TRHDE: variants seen among roughly 807,000 people sequenced by gnomAD.
The protein encoded by TRHDE is thyrotropin-releasing hormone-degrading ectoenzyme.
In TRHDE, 72 loss-of-function variants were observed where a neutral mutation model predicts 125.7. The ratio of observed to expected loss-of-function variants is 0.57; its 90% CI spans 0.47 to 0.70. The LOEUF is 0.70. Ranked by LOEUF, TRHDE falls within the 30% of genes least tolerant of loss-of-function variation. The pLI, the probability that TRHDE is intolerant of heterozygous loss-of-function variation, is 0.00. For missense variants in TRHDE, 1,110 were observed against 1,327.1 expected, an observed-to-expected ratio of 0.84 and a Z score of 2.54; for synonymous variants, 509 against 509.1, an observed-to-expected ratio of 1.00 and a Z score of 0.00.
intron 2 of TRHDE, among the ~76,000 whole-genome samples, chr12:72,106,534 G>A (rs1264898401): frequency 1.3e-5 from 2 of 152,046 alleles, no homozygotes; most frequent in Non-Finnish European, 1.5e-5. Flanking sequence ...AGTTAAAGAA[G>A]CTCAATACAT....
chr12:72,367,913 C>G (rs1871404720), intron 2 of TRHDE, among the ~76,000 whole-genome samples: 1 of 152,202 alleles, frequency 6.6e-6, no homozygotes, highest in Non-Finnish European at 1.5e-5. Flanking sequence ...GAGAATAGCT[C>G]TGGCAAGTCA....
At chr12:72,093,448 C>A (rs1874838383) in intron 1 of TRHDE, among the ~76,000 whole-genome samples, 1 of 152,080 alleles carries the variant, frequency 6.6e-6, no homozygotes, top group South Asian at 2.1e-4. Flanking sequence ...CTGGAACTCC[C>A]AAAATTCATA....
chr12:72,292,034 A>G (rs1880108881), intron 2 of TRHDE, among the ~76,000 whole-genome samples: 1 of 152,124 alleles, frequency 6.6e-6, no homozygotes. Context: ...AGTTATATCC[A>G]CTCCATTAGA....
intron 3 of TRHDE, among the ~76,000 whole-genome samples, chr12:72,468,138 T>C (rs1876472221): frequency 6.6e-6 from 1 of 152,236 alleles, no homozygotes; most frequent in Admixed American, 6.5e-5. Flanking sequence ...TGTGTTTGTG[T>C]GTGCATCTTG....
At chr12:72,275,050 C>G (rs1879430916) in intron 1 of TRHDE, 1 of 152,230 alleles carries the variant, frequency 6.6e-6, no homozygotes, top group Non-Finnish European at 1.5e-5. Context: ...GGTTACAGAT[C>G]AGTAATGAGG....
At chr12:72,102,296 T>A (rs1875086822) in intron 1 of TRHDE, among the ~76,000 whole-genome samples, 1 of 152,146 alleles carries the variant, frequency 6.6e-6, no homozygotes, top group Non-Finnish European at 1.5e-5. Flanking sequence ...CTTAAACCTA[T>A]AGTCACCTCA....
At chr12:72,535,647 C>G (rs1868817467) in intron 6 of TRHDE, among the ~76,000 whole-genome samples, 1 of 150,232 alleles carries the variant, frequency 6.7e-6, no homozygotes, top group African/African-American at 2.4e-5. Flanking sequence ...ATTTCTTTTT[C>G]TGTTCTTCAG....
chr12:72,627,234 A>G (rs550208951), intron 15 of TRHDE, among the ~76,000 whole-genome samples: 2 of 152,084 alleles, frequency 1.3e-5, no homozygotes, highest in South Asian at 2.1e-4. Context: ...TCCAGTGCTT[A>G]TATCAGCTCT....
intron 5 of TRHDE, among the ~76,000 whole-genome samples, chr12:72,487,496 T>C (rs753495758): frequency 7.9e-4 from 120 of 152,186 alleles, no homozygotes; most frequent in Non-Finnish European, 1.3e-3. Flanking sequence ...TTCAAAGTAC[T>C]GAAAGAAAAT....
In TRHDE at chr12:72,443,487, C is replaced by CT. The variant is rs1190194946; in HGVS notation, c.1316-26264dup. 3.3e-5 allele frequency among the ~76,000 whole-genome samples: 5 copies of CT among 151,564 alleles called. No homozygotes were observed. The East Asian group carries it at 7.7e-4, about 23-fold the overall frequency. ...AGGACTTAGATTGAGTATTAGTCACCTTTTTTTCCCTAGGATTGAGCATAA... is the reference window on the plus strand; with the variant it reads ...AGGACTTAGATTGAGTATTAGTCACCTTTTTTTTCCCTAGGATTGAGCATAA... On this transcript the variant is annotated intron_variant, in intron 3 of 18. Transcript: ENST00000261180.
intron 1 of TRHDE, among the ~76,000 whole-genome samples, chr12:72,284,976 T>C (rs990627340): frequency 6.6e-6 from 1 of 152,234 alleles, no homozygotes; most frequent in Admixed American, 6.5e-5. Context: ...AAGCGTGGTG[T>C]GTAGCAGCCT....
chr12:72,365,199 A>G, intron 2 of TRHDE, among the ~76,000 whole-genome samples: 1 of 152,240 alleles, frequency 6.6e-6, no homozygotes, highest in East Asian at 1.9e-4. Flanking sequence ...ATTTAAGGAA[A>G]CATGATACAT....
upstream of TRHDE, among the ~76,000 whole-genome samples, chr12:72,271,309 C>T (rs1227808162): frequency 6.6e-6 from 1 of 152,176 alleles, no homozygotes; most frequent in Non-Finnish European, 1.5e-5. Flanking sequence ...ATACAATCCT[C>T]CAAATCCTCT....
chr12:72,429,651 A>ATT (rs1216476411), intron 3 of TRHDE, among the ~76,000 whole-genome samples: 4 of 152,024 alleles, frequency 2.6e-5, no homozygotes, highest in African/African-American at 9.7e-5. Context: ...AGCCACCAGT[A>ATT]TTGAGGGTTC....
intron 2 of TRHDE, among the ~76,000 whole-genome samples, chr12:72,198,932 G>GGAGAGAGAGAGA (rs111453106): frequency 1.3e-4 from 19 of 147,258 alleles, no homozygotes; most frequent in African/African-American, 4.7e-4. Flanking sequence ...TGGTGAAGCA[G>GGAGAGAGAGAGA]GAGAGAGAGA....
chr12:72,247,581 G>A (rs936586218), intron 2 of TRHDE, among the ~76,000 whole-genome samples: 3 of 152,182 alleles, frequency 2.0e-5, no homozygotes, highest in Non-Finnish European at 4.4e-5. Flanking sequence ...TTATTTTAAT[G>A]TGCAGCTGGA....
rs1048877065 is a variant in TRHDE at position 72,461,017 on chromosome 12, A to T, written c.1316-8741A>T. Among the ~76,000 whole-genome samples, 8 of 152,186 alleles carry T rather than the reference A, an allele frequency of 5.3e-5. No individual in the cohort carries two copies. In the East Asian group the frequency reaches 1.5e-3, roughly 29 times the overall value. On this transcript the variant is annotated intron_variant, in intron 3 of 18. Transcript: ENST00000261180. ...GAGGAAAATTGATTGCTGAAATGAA[A>T]AAAAAATCTTTTGAATGTGTGGCAG... is the stretch of plus-strand genomic sequence containing the variant.
intron 15 of TRHDE, among the ~76,000 whole-genome samples, chr12:72,644,127 C>A (rs568046167): frequency 2.8e-4 from 43 of 152,248 alleles, no homozygotes; most frequent in African/African-American, 1.0e-3. Context: ...AGTGAGAAAT[C>A]CAGAAACTAA....
intron 5 of TRHDE, among the ~76,000 whole-genome samples, chr12:72,482,308 T>A (rs1877210517): frequency 6.6e-6 from 1 of 151,928 alleles, no homozygotes; most frequent in Non-Finnish European, 1.5e-5. Flanking sequence ...AGTAGCTTTT[T>A]TACAGAGCAG....
Sources: gnomAD v4.1 joint callset for allele counts (sites outside exome capture counted in the v4.1 genomes callset) on GRCh38, gnomAD v4.1.1 for gene constraint, MANE v1.5 for transcripts, NCBI Gene and HGNC (gene_info 2026-07-23, HGNC 2026-07-21) for gene names.